Variants in ZNF385D observed in about 807,000 individuals in gnomAD.
The protein encoded by ZNF385D is zinc finger protein 659.
In ZNF385D, 15 loss-of-function variants were observed where a neutral mutation model predicts 35.8. That is an observed-to-expected ratio of 0.42 (90% CI 0.28 to 0.64). The LOEUF is 0.64. Among genes scored for constraint, ZNF385D ranks in the 30% least tolerant of loss-of-function variants. ZNF385D has a pLI of 0.23. For synonymous variants in ZNF385D, 212 were observed against 186.8 expected, an observed-to-expected ratio of 1.13 and a Z score of -1.10; for missense variants, 474 against 494.6, an observed-to-expected ratio of 0.96 and a Z score of 0.39.
intron 3 of ZNF385D, among the ~76,000 whole-genome samples, chr3:21,809,371 A>G (rs556312535): frequency 3.8e-4 from 52 of 136,758 alleles, no homozygotes; most frequent in African/African-American, 1.3e-3. Flanking sequence ...ATTATGTTTG[A>G]TAACTGAAAA....
chr3:21,945,137 T>TATGTATGTATATATAC (rs1701712000), intron 3 of ZNF385D, among the ~76,000 whole-genome samples: 2 of 109,014 alleles, frequency 1.8e-5, no homozygotes, highest in South Asian at 2.6e-4. Flanking sequence ...TGTATATATA[T>TATGTATGTATATATAC]GTATATGCAT....
intron 2 of ZNF385D, among the ~76,000 whole-genome samples, chr3:22,185,157 A>G (rs1005721522): frequency 6.6e-6 from 1 of 152,144 alleles, no homozygotes; most frequent in Non-Finnish European, 1.5e-5. Context: ...AGTGATAAAA[A>G]CTGAAAAGGT....
chr3:22,071,595 G>T (rs1300171124), intron 3 of ZNF385D, among the ~76,000 whole-genome samples: 5 of 152,046 alleles, frequency 3.3e-5, no homozygotes, highest in Non-Finnish European at 7.4e-5. Flanking sequence ...CTGTAATATT[G>T]CAGAGAATAA....
At position 21,770,280 on chromosome 3, in the gene ZNF385D, C is replaced by T. The variant is rs181351932; in HGVS notation, c.326-105252G>A. 1.4e-4 allele frequency among the ~76,000 whole-genome samples: 21 copies of T among 152,230 alleles called. No individual in the cohort carries two copies. The East Asian group carries it at 3.5e-3, about 25-fold the overall frequency. ...AAGAGCTTCTGCACAGCAAAAGAAA[C>T]TACCATCAGAGTGAACAGGCAACCT... is the stretch of plus-strand genomic sequence containing the variant. On this transcript the variant is annotated intron_variant, in intron 3 of 5. Coordinates refer to the ZNF385D transcript ENST00000494108.
chr3:21,749,702 T>C (rs966900135), intron 1 of ZNF385D, among the ~76,000 whole-genome samples: 1 of 152,204 alleles, frequency 6.6e-6, no homozygotes, highest in African/African-American at 2.4e-5. Context: ...TCTAATATGA[T>C]ACAAATTATA....
intron 3 of ZNF385D, among the ~76,000 whole-genome samples, chr3:21,982,859 T>C (rs1694561222): frequency 1.3e-5 from 2 of 152,094 alleles, no homozygotes. Flanking sequence ...TGGGTTTTTT[T>C]TGTCTTTAGT....
intron 5 of ZNF385D, among the ~76,000 whole-genome samples, chr3:21,436,668 TAAAC>T (rs779888485): frequency 1.3e-4 from 20 of 152,202 alleles, no homozygotes; most frequent in East Asian, 1.9e-4. Flanking sequence ...TGTAAATAAA[TAAAC>T]AAACTAGAAA....
chr3:21,649,737 A>G (rs1293983473), intron 2 of ZNF385D, among the ~76,000 whole-genome samples: 2 of 152,200 alleles, frequency 1.3e-5, no homozygotes, highest in Non-Finnish European at 2.9e-5. Context: ...ATAGGCTAGA[A>G]TTTATTTTTT....
intron 3 of ZNF385D, among the ~76,000 whole-genome samples, chr3:21,797,149 G>A (rs1222724188): frequency 1.3e-5 from 2 of 152,148 alleles, no homozygotes; most frequent in African/African-American, 2.4e-5. Flanking sequence ...AACAATTAGA[G>A]AACACAATTT....
At chr3:21,956,842 T>G (rs553579506) in intron 3 of ZNF385D, among the ~76,000 whole-genome samples, 42 of 151,920 alleles carry the variant, frequency 2.8e-4, no homozygotes, top group Non-Finnish European at 4.6e-4. Context: ...TTATTTATCC[T>G]GTGATCCACA....
At position 22,235,865 on chromosome 3, in the gene ZNF385D, C is replaced by A. The variant is rs528021390; in HGVS notation, c.107-66830G>T. Among the ~76,000 whole-genome samples the A allele has an allele frequency of 1.8e-3, 279 of 152,088 alleles. 1 individual carries two copies. Among genetic ancestry groups the A allele is most frequent in the Non-Finnish European group, 3.4e-3 (230 of 67,966 alleles). On this transcript the variant is annotated intron_variant, in intron 2 of 5. Transcript: ENST00000494108. ...TATAAAAATTTAATTTAAAAAAGTG[C>A]CCAGATTCATGTTCGACAAATAAAA...
intron 2 of ZNF385D, among the ~76,000 whole-genome samples, chr3:22,171,746 A>G (rs1243997936): frequency 6.6e-6 from 1 of 151,794 alleles, no homozygotes; most frequent in Non-Finnish European, 1.5e-5. Context: ...GCGTGGTGCC[A>G]GGCGCCTGTA....
At chr3:22,164,904 G>T (rs1576429868) in intron 3 of ZNF385D, among the ~76,000 whole-genome samples, 1 of 152,114 alleles carries the variant, frequency 6.6e-6, no homozygotes, top group Admixed American at 6.6e-5. Flanking sequence ...CTAAGTGAAA[G>T]AAGCCAATAT....
chr3:22,369,685 T>G (rs1267584083), intron 2 of ZNF385D, among the ~76,000 whole-genome samples: 1 of 152,206 alleles, frequency 6.6e-6, no homozygotes, highest in East Asian at 1.9e-4. Flanking sequence ...ATTCCATTCA[T>G]GTATGGATAA....
intron 3 of ZNF385D, among the ~76,000 whole-genome samples, chr3:21,836,134 A>G (rs972165738): frequency 7.2e-5 from 11 of 151,792 alleles, no homozygotes; most frequent in Non-Finnish European, 1.6e-4. Context: ...TTGGGGAAAA[A>G]AAGTTATTTT....
rs200143408 is a variant in ZNF385D, at chr3:21,437,734, C to T, written c.440-531G>A. On this transcript the variant is annotated intron_variant, in intron 4 of 7. Transcript: ENST00000281523. ...AAAAAAAAAAACCGGAACCCTGATG[C>T]CATAATTGCTTTGACCAGATCAACA... Among the ~76,000 whole-genome samples the T allele has an allele frequency of 2.4e-4, 26 of 108,292 alleles. No individual in the cohort carries two copies. The East Asian group carries it at 2.7e-3, about 11-fold the overall frequency. 71.0% of individuals were successfully genotyped at this position (108,292 alleles called of 152,430 possible).
At chr3:22,207,073 T>C (rs1451073717) in intron 2 of ZNF385D, among the ~76,000 whole-genome samples, 1 of 151,778 alleles carries the variant, frequency 6.6e-6, no homozygotes, top group Non-Finnish European at 1.5e-5. Flanking sequence ...GAAAAAGACA[T>C]TACAACCAAT....
intron 1 of ZNF385D, among the ~76,000 whole-genome samples, chr3:21,733,730 T>A (rs2069119262): frequency 6.6e-6 from 1 of 152,172 alleles, no homozygotes; most frequent in Non-Finnish European, 1.5e-5. Flanking sequence ...ATTTTTATGT[T>A]TGAATCTTTG....
chr3:22,322,295 A>G (rs1433847201), intron 2 of ZNF385D, among the ~76,000 whole-genome samples: 2 of 152,130 alleles, frequency 1.3e-5, no homozygotes, highest in African/African-American at 4.8e-5. Flanking sequence ...TGGATGATAT[A>G]TTTTAACTCC....
Sources: gnomAD v4.1 joint callset for allele counts (sites outside exome capture counted in the v4.1 genomes callset) on GRCh38, gnomAD v4.1.1 for gene constraint, MANE v1.5 for transcripts, NCBI Gene and HGNC (gene_info 2026-07-23, HGNC 2026-07-21) for gene names.